The following PPP1R1A variants were observed in gnomAD, a reference collection of about 807,000 sequenced individuals.
PPP1R1A encodes protein phosphatase 1 regulatory subunit 1A.
Under a neutral mutation model 23.9 loss-of-function variants are expected in PPP1R1A, and 18 were observed. The ratio of observed to expected loss-of-function variants is 0.75; its 90% CI spans 0.52 to 1.12. The LOEUF is 1.12. PPP1R1A is among the 50% of genes most tolerant of loss of function. The pLI, the probability that PPP1R1A is intolerant of heterozygous loss-of-function variation, is 0.00. For synonymous variants in PPP1R1A, 84 were observed against 80.7 expected (o/e 1.04, Z -0.22); for missense variants, 207 against 223.8 (o/e 0.92, Z 0.48).
intron 1 of PPP1R1A, among the ~76,000 whole-genome samples, chr12:54,588,072 G>A (rs1288037244): frequency 6.6e-6 from 1 of 152,012 alleles, no homozygotes; most frequent in Non-Finnish European, 1.5e-5. Flanking sequence ...GACTGGGTGG[G>A]GGATGCAGGG....
Position 54,579,681 on chromosome 12 carries a change from T to C in PPP1R1A, c.*706A>G. 2.0e-6 allele frequency: 2 copies of C among 985,442 alleles called. No individual in the cohort carries two copies. The highest frequency in any genetic ancestry group is 1.2e-6 in the Non-Finnish European group (1 of 829,968). The allele number at this position is 985,442 out of a possible 1,614,324, so 61.0% of individuals were successfully genotyped here. A position where few individuals can be genotyped will look rare whatever the true frequency, so the allele number is the denominator to read the frequency against. Reference sequence around the variant, plus strand: ...CAGTCTCCAGCATGGGCCTCTTCATTAATAGCCACTGTGTTCTCTATCCAT... The same window carrying C: ...CAGTCTCCAGCATGGGCCTCTTCATCAATAGCCACTGTGTTCTCTATCCAT... On this transcript the variant is annotated 3_prime_UTR_variant, in exon 7 of 7. Coordinates refer to ENST00000257905, the MANE Select transcript of PPP1R1A (RefSeq NM_006741.4).
chr12:54,579,634 G>A lies in PPP1R1A; in HGVS notation c.*753C>T. ...TTTGGTCTTATCTGGGCCCCTCAAT[G>A]TCTAGGACAAGGGAACCCTTCCAGT... On this transcript the variant is annotated 3_prime_UTR_variant, in exon 7 of 7. Coordinates refer to ENST00000257905, the MANE Select transcript of PPP1R1A (RefSeq NM_006741.4). The A allele has an allele frequency of 1.0e-6, 1 of 985,448 alleles. No individual in the cohort carries two copies. Among genetic ancestry groups the A allele is most frequent in the Non-Finnish European group, 1.2e-6 (1 of 829,970 alleles). The allele number at this position is 985,448 out of a possible 1,614,324, so 61.0% of individuals were successfully genotyped here.
chr12:54,584,812 T>TA (rs1957893066), intron 1 of PPP1R1A, among the ~76,000 whole-genome samples: 1 of 151,906 alleles, frequency 6.6e-6, no homozygotes, highest in South Asian at 2.1e-4. Context: ...TGGGGAGAGC[T>TA]AATCCTAAGG....
intron 2 of PPP1R1A, among the ~76,000 whole-genome samples, chr12:54,583,799 CTTG>C (rs1957881529): frequency 2.6e-5 from 4 of 152,218 alleles, no homozygotes; most frequent in Non-Finnish European, 4.4e-5. Flanking sequence ...TCTCTGAGAA[CTTG>C]TTTTCTCCCC....
At chr12:54,582,992 G>A (rs527299071) in intron 3 of PPP1R1A, among the ~76,000 whole-genome samples, 197 bp from the exon 4 acceptor site, 13 of 152,112 alleles carry the variant, frequency 8.5e-5, no homozygotes, top group African/African-American at 2.2e-4. Context: ...CAACCACCTC[G>A]ACAATGGTGA....
chr12:54,584,873 C>T (rs545148063), intron 1 of PPP1R1A, among the ~76,000 whole-genome samples: 15 of 152,126 alleles, frequency 9.9e-5, no homozygotes, highest in South Asian at 4.1e-4. Context: ...CCTGTTCTGT[C>T]TCTCCACCTC....
Position 54,579,246 on chromosome 12 carries a change from T to A in PPP1R1A, c.*1141A>T. ...ATAAAGAAGGGAGACCAGGCCTGACTGTGTGTGTTCACTGGGTACAAGTTG... is the reference window on the plus strand; with the variant it reads ...ATAAAGAAGGGAGACCAGGCCTGACAGTGTGTGTTCACTGGGTACAAGTTG... On this transcript the variant is annotated 3_prime_UTR_variant, in exon 7 of 7. Coordinates refer to ENST00000257905, the MANE Select transcript of PPP1R1A (RefSeq NM_006741.4). 6.1e-6 allele frequency: 6 copies of A among 985,204 alleles called. No individual in the cohort carries two copies. Among genetic ancestry groups the A allele is most frequent in the Non-Finnish European group, 7.2e-6 (6 of 829,824 alleles). The allele number at this position is 985,204 out of a possible 1,614,324, so 61.0% of individuals were successfully genotyped here.
At chr12:54,586,991 C>G (rs1435572974) in intron 1 of PPP1R1A, among the ~76,000 whole-genome samples, 1 of 152,212 alleles carries the variant, frequency 6.6e-6, no homozygotes, top group Admixed American at 6.5e-5. Flanking sequence ...TCCCAGGGAA[C>G]ACAACCCATG....
chr12:54,581,883 C>A lies in PPP1R1A; in HGVS notation c.403+93G>T. 6.9e-7 allele frequency: 1 copy of A among 1,449,224 alleles called. No homozygotes were observed. The highest frequency in any genetic ancestry group is 1.4e-5 in the South Asian group (1 of 71,534). The allele number at this position is 1,449,224 out of a possible 1,614,324, so 89.8% of individuals were successfully genotyped here. ...TGCCTACTACTAGGCCTCTCCCAGG[C>A]TCCAACTCTTTCCCCTCCCCGCAGT... is the stretch of plus-strand genomic sequence containing the variant. On this transcript the variant is annotated intron_variant, in intron 5 of 6. Coordinates refer to ENST00000257905, the MANE Select transcript of PPP1R1A (RefSeq NM_006741.4). The surrounding 1 kb of genome is among the most constrained non-coding windows in gnomAD (Gnocchi z 4.1).
chr12:54,585,264 G>A lies in PPP1R1A; in HGVS notation c.85-944C>T, dbSNP rs538303101. On this transcript the variant is annotated intron_variant, in intron 1 of 6. Coordinates refer to ENST00000257905, the MANE Select transcript of PPP1R1A (RefSeq NM_006741.4). ...GTAGATATAATATCAATACAAGGAG[G>A]AGCCCTAGGCAGGACCCTGGTCAGG... is the stretch of plus-strand genomic sequence containing the variant. 2.1e-4 allele frequency among the ~76,000 whole-genome samples: 32 copies of A among 152,294 alleles called. No individual in the cohort carries two copies. The South Asian group carries it at 6.2e-3, about 30-fold the overall frequency.
In PPP1R1A at chr12:54,581,895, C is replaced by T. The variant is rs1957858434; in HGVS notation, c.403+81G>A. The T allele has an allele frequency of 6.7e-7, 1 of 1,487,622 alleles. No individual in the cohort carries two copies. Among genetic ancestry groups the T allele is most frequent in the Non-Finnish European group, 9.0e-7 (1 of 1,111,344 alleles). The allele number at this position is 1,487,622 out of a possible 1,614,324, so 92.2% of individuals were successfully genotyped here. A position where few individuals can be genotyped will look rare whatever the true frequency, so the allele number is the denominator to read the frequency against. ...GGCCTCTCCCAGGCTCCAACTCTTT[C>T]CCCTCCCCGCAGTGGGTAAGGCTTG... On this transcript the variant is annotated intron_variant, in intron 5 of 6. Coordinates refer to ENST00000257905, the MANE Select transcript of PPP1R1A (RefSeq NM_006741.4). This position sits in a 1 kb window ranked among gnomAD's most constrained non-coding sequence, Gnocchi z 4.1.
chr12:54,579,481 A>T lies in PPP1R1A; in HGVS notation c.*906T>A, dbSNP rs1957830615. 2.0e-6 allele frequency: 2 copies of T among 985,268 alleles called. No individual in the cohort carries two copies. The highest frequency in any genetic ancestry group is 2.4e-6 in the Non-Finnish European group (2 of 829,932). The allele number at this position is 985,268 out of a possible 1,614,324, so 61.0% of individuals were successfully genotyped here. A position where few individuals can be genotyped will look rare whatever the true frequency, so the allele number is the denominator to read the frequency against. ...CTCTTGCCTCTGTACCACATGCTTC[A>T]GCAGGGAGGGGGAAAGAATCTTGCC... is the stretch of plus-strand genomic sequence containing the variant. On this transcript the variant is annotated 3_prime_UTR_variant, in exon 7 of 7. Coordinates refer to ENST00000257905, the MANE Select transcript of PPP1R1A (RefSeq NM_006741.4).
At chr12:54,586,541 C>T (rs1957913267) in intron 1 of PPP1R1A, among the ~76,000 whole-genome samples, 2 of 152,212 alleles carry the variant, frequency 1.3e-5, no homozygotes, top group Admixed American at 6.5e-5. Context: ...ACTCCTTTTG[C>T]CCTCCCATGT....
rs755233767 is a variant in PPP1R1A at position 54,583,261 on chromosome 12, G to T, written c.146-13C>A. 2.7e-6 allele frequency: 4 copies of T among 1,508,138 alleles called. No homozygotes were observed. The highest frequency in any genetic ancestry group is 2.4e-5 in the East Asian group (1 of 40,980). The allele number at this position is 1,508,138 out of a possible 1,614,324, so 93.4% of individuals were successfully genotyped here. ...TCTTCATCTATCTCTGAAGGGAACA[G>T]GGAAAGGAGAGGGTGATAAGGACAG... On this transcript the variant is annotated splice_polypyrimidine_tract_variant and intron_variant, in intron 2 of 6. Transcript: ENST00000257905.
chr12:54,583,108 G>A, intron 3 of PPP1R1A, 103 bp downstream of exon 3: 2 of 1,267,334 alleles, frequency 1.6e-6, no homozygotes, highest in Non-Finnish European at 2.2e-6. Context: ...AGGGAAGCGG[G>A]AGTCAAAAAG....
chr12:54,586,610 G>A (rs1434773186), intron 1 of PPP1R1A, among the ~76,000 whole-genome samples: 3 of 152,148 alleles, frequency 2.0e-5, no homozygotes, highest in Non-Finnish European at 4.4e-5. Flanking sequence ...CAGCAGGAGG[G>A]GCTGAGGTTA....
At chr12:54,583,925 C>G (rs1184086320) in intron 2 of PPP1R1A, among the ~76,000 whole-genome samples, 1 of 152,112 alleles carries the variant, frequency 6.6e-6, no homozygotes, top group Admixed American at 6.5e-5. Context: ...GTCCCTCCCC[C>G]TCACAGCTGA....
In PPP1R1A at chr12:54,579,633, T is replaced by C; in HGVS notation, c.*754A>G. On this transcript the variant is annotated 3_prime_UTR_variant, in exon 7 of 7. Transcript: ENST00000257905. Reference sequence around the variant, plus strand: ...TTTTGGTCTTATCTGGGCCCCTCAATGTCTAGGACAAGGGAACCCTTCCAG... The same window carrying C: ...TTTTGGTCTTATCTGGGCCCCTCAACGTCTAGGACAAGGGAACCCTTCCAG... The C allele has an allele frequency of 1.0e-6, 1 of 985,422 alleles. No homozygotes were observed. Among genetic ancestry groups the C allele is most frequent in the Non-Finnish European group, 1.2e-6 (1 of 829,930 alleles). The allele number at this position is 985,422 out of a possible 1,614,324, so 61.0% of individuals were successfully genotyped here.
rs771071609 is a variant in PPP1R1A at position 54,582,049 on chromosome 12, G to A, written c.330C>T (p.Thr110=). The change falls in exon 5 of 7, where the codon ACC becomes ACT. Residue 110 remains threonine (T), a synonymous_variant. Coordinates refer to ENST00000257905, the MANE Select transcript of PPP1R1A (RefSeq NM_006741.4). ...GGATCCCAGGTGGGCGGGACTCCTG[G>A]GTTCCTGTGCTCTCAGCGGCCCCCT... The part of the protein sequence containing the change: ...EPEGAAESTG[T]QESRPPGIPD... The A allele has an allele frequency of 1.2e-5, 19 of 1,613,816 alleles. No individual in the cohort carries two copies. In the East Asian group the frequency reaches 3.1e-4, roughly 27 times the overall value.
Sources: gnomAD v4.1 joint callset for allele counts (sites outside exome capture counted in the v4.1 genomes callset) on GRCh38, gnomAD v4.1.1 for gene constraint, Gnocchi (gnomAD v3.1) non-coding constraint, MANE v1.5 for transcripts, NCBI Gene and HGNC (gene_info 2026-07-23, HGNC 2026-07-21) for gene names.